The following CNTNAP5 variants were observed in gnomAD, a reference collection of about 807,000 sequenced individuals.
CNTNAP5 encodes the protein contactin associated protein family member 5, also known as contactin-associated protein-like 5.
In CNTNAP5, 72 loss-of-function variants were observed where a neutral mutation model predicts 150.2. That is an observed-to-expected ratio of 0.48 (90% confidence interval 0.40 to 0.58). The LOEUF is 0.58. Ranked by LOEUF, CNTNAP5 falls within the 20% of genes least tolerant of loss-of-function variation. The pLI, the probability that CNTNAP5 is intolerant of heterozygous loss-of-function variation, is 0.00. For missense variants in CNTNAP5, 1,636 were observed against 1,626.2 expected, an observed-to-expected ratio of 1.01 and a Z score of -0.10; for synonymous variants, 672 against 619.8, an observed-to-expected ratio of 1.08 and a Z score of -1.25.
chr2:124,492,304 CAAG>C (rs1188979808), intron 7 of CNTNAP5, among the ~76,000 whole-genome samples: 1 of 152,126 alleles, frequency 6.6e-6, no homozygotes, highest in African/African-American at 2.4e-5. Context: ...TGTTGTAAGA[CAAG>C]GACTTAATTT....
Position 124,799,914 on chromosome 2 carries a change from T to C in CNTNAP5, c.3217+1594T>C, listed in dbSNP as rs538316246. On this transcript the variant is annotated intron_variant, in intron 19 of 23. Coordinates refer to ENST00000682447, the MANE Select transcript of CNTNAP5 (RefSeq NM_001367498.1). Reference sequence around the variant, plus strand: ...TCTAAGCCCATCTGGACTTGAAGAATCCACAAGAGAGAGGGGGAAACACTA... The same window carrying C: ...TCTAAGCCCATCTGGACTTGAAGAACCCACAAGAGAGAGGGGGAAACACTA... Among the ~76,000 whole-genome samples the C allele has an allele frequency of 3.3e-5, 5 of 152,268 alleles. No homozygotes were observed. The South Asian group carries it at 1.0e-3, about 31-fold the overall frequency.
chr2:124,084,858 A>C (rs1379545173), intron 1 of CNTNAP5, among the ~76,000 whole-genome samples: 1 of 151,004 alleles, frequency 6.6e-6, no homozygotes, highest in Non-Finnish European at 1.5e-5. Flanking sequence ...ATAATACTCC[A>C]GTGAAACTAT....
intron 3 of CNTNAP5, among the ~76,000 whole-genome samples, chr2:124,342,479 T>C (rs1689642295): frequency 6.6e-6 from 1 of 152,194 alleles, no homozygotes. Context: ...GGGCTTTTTA[T>C]TGGCTTCATA....
At chr2:124,620,927 G>A (rs1677601873) in intron 12 of CNTNAP5, among the ~76,000 whole-genome samples, 1 of 152,126 alleles carries the variant, frequency 6.6e-6, no homozygotes, top group Non-Finnish European at 1.5e-5. Context: ...ATGAAAGATA[G>A]CTATCACCTT....
At chr2:124,323,301 T>C (rs1490930146) in intron 3 of CNTNAP5, among the ~76,000 whole-genome samples, 1 of 152,122 alleles carries the variant, frequency 6.6e-6, no homozygotes, top group African/African-American at 2.4e-5. Context: ...GTTGCCTGAC[T>C]TGATCCTAAG....
Position 124,764,062 on chromosome 2 carries a change from T to C in CNTNAP5, c.2448T>C (p.Ile816=). The part of the protein sequence containing the change: ...PTFHAEFSAD[I]SFFFKTTALS... ...TCCATGCGGAATTCAGTGCCGATAT[T>C]TCCTTCTTTTTTAAAACCACAGCAT... The change falls in exon 16 of 24, where the codon ATT becomes ATC. Residue 816 remains isoleucine, a synonymous_variant. Transcript: ENST00000682447. 1 of 1,613,284 alleles carries C rather than the reference T, an allele frequency of 6.2e-7. No homozygotes were observed. Among genetic ancestry groups the C allele is most frequent in the Non-Finnish European group, 8.5e-7 (1 of 1,179,390 alleles).
chr2:124,710,584 A>G (rs371481431), intron 13 of CNTNAP5, among the ~76,000 whole-genome samples: 2 of 152,138 alleles, frequency 1.3e-5, no homozygotes, highest in East Asian at 3.9e-4. Flanking sequence ...TGTAGACAAT[A>G]CACCATGTGT....
chr2:124,582,824 C>T (rs1696445518), intron 11 of CNTNAP5, among the ~76,000 whole-genome samples: 1 of 152,114 alleles, frequency 6.6e-6, no homozygotes, highest in Non-Finnish European at 1.5e-5. Context: ...CTTCTTGACA[C>T]AATTTTATAA....
At chr2:124,570,212 C>A (rs943016841) in intron 11 of CNTNAP5, among the ~76,000 whole-genome samples, 1 of 152,148 alleles carries the variant, frequency 6.6e-6, no homozygotes, top group African/African-American at 2.4e-5. Flanking sequence ...GAGGCATGTG[C>A]ACATAACAAT....
intron 1 of CNTNAP5, among the ~76,000 whole-genome samples, chr2:124,065,317 A>T (rs561162669): frequency 2.0e-5 from 3 of 152,198 alleles, no homozygotes; most frequent in Non-Finnish European, 4.4e-5. Context: ...ATTAAAAAAT[A>T]TATACACATA....
At chr2:124,160,004 A>G (rs1684636067) in intron 1 of CNTNAP5, among the ~76,000 whole-genome samples, 1 of 152,194 alleles carries the variant, frequency 6.6e-6, no homozygotes. Context: ...AGCCTATGAC[A>G]TAGTGTATTG....
chr2:124,548,316 A>T (rs1024410899), intron 10 of CNTNAP5, among the ~76,000 whole-genome samples: 4 of 152,148 alleles, frequency 2.6e-5, no homozygotes, highest in Non-Finnish European at 5.9e-5. Flanking sequence ...GGCCACCAGC[A>T]GTTTTATGGC....
intron 1 of CNTNAP5, among the ~76,000 whole-genome samples, chr2:124,167,636 A>G (rs1376153232): frequency 2.6e-5 from 4 of 152,190 alleles, no homozygotes; most frequent in African/African-American, 9.6e-5. Context: ...GTCTCTTCAC[A>G]TCTCTTGTTA....
intron 3 of CNTNAP5, among the ~76,000 whole-genome samples, chr2:124,410,153 G>A (rs1478252378): frequency 6.6e-6 from 1 of 151,992 alleles, no homozygotes; most frequent in Non-Finnish European, 1.5e-5. Flanking sequence ...TAATGGTAAA[G>A]GGATCAATTC....
chr2:124,357,126 G>A (rs1387933023), intron 3 of CNTNAP5, among the ~76,000 whole-genome samples: 3 of 151,924 alleles, frequency 2.0e-5, no homozygotes, highest in Admixed American at 6.6e-5. Flanking sequence ...GTCTGTTCAT[G>A]TCCTTCGCCC....
rs1017155056 is a variant in CNTNAP5, at chr2:124,617,209, CT to C, written c.1876+7298del. ...AACATAGGGTTGCCACAAATCTTCA[CT>C]TTTTTTTTAATGAACTATCTGTGAA... On this transcript the variant is annotated intron_variant, in intron 12 of 23. Transcript: ENST00000682447. Among the ~76,000 whole-genome samples the C allele has an allele frequency of 6.0e-5, 9 of 150,368 alleles. No homozygotes were observed. In the East Asian group the frequency reaches 7.8e-4, roughly 13 times the overall value.
chr2:124,598,673 C>A (rs1325686277), intron 11 of CNTNAP5, among the ~76,000 whole-genome samples: 3 of 151,460 alleles, frequency 2.0e-5, no homozygotes, highest in African/African-American at 7.3e-5. Context: ...GGGCTCCACC[C>A]AGTTTGAGCT....
chr2:124,682,089 G>T (rs899206282), intron 13 of CNTNAP5, among the ~76,000 whole-genome samples: 1 of 152,122 alleles, frequency 6.6e-6, no homozygotes, highest in African/African-American at 2.4e-5. Flanking sequence ...GGGCCTCAAG[G>T]TCAGTCATAG....
intron 1 of CNTNAP5, among the ~76,000 whole-genome samples, chr2:124,040,435 G>A (rs2104630677): frequency 6.6e-6 from 1 of 152,268 alleles, no homozygotes; most frequent in African/African-American, 2.4e-5. Context: ...AATACAGGAA[G>A]AGACATAAAA....
Sources: gnomAD v4.1 joint callset for allele counts (sites outside exome capture counted in the v4.1 genomes callset) on GRCh38, gnomAD v4.1.1 for gene constraint, MANE v1.5 for transcripts, NCBI Gene and HGNC (gene_info 2026-07-23, HGNC 2026-07-21) for gene names.